The following HS2ST1 variants were observed in gnomAD, a reference collection of about 807,000 sequenced individuals.
HS2ST1 encodes heparan sulfate 2-O-sulfotransferase 1.
Under a neutral mutation model 42.9 loss-of-function variants are expected in HS2ST1, and 18 were observed. The observed-to-expected ratio is 0.42, with a 90% CI of 0.29 to 0.62. The LOEUF is 0.62. Among genes scored for constraint, HS2ST1 ranks in the 20% least tolerant of loss-of-function variants. HS2ST1 has a pLI of 0.21. For missense variants in HS2ST1, 334 were observed against 433.8 expected, an observed-to-expected ratio of 0.77 and a Z score of 2.04; for synonymous variants, 146 against 152.9, an observed-to-expected ratio of 0.95 and a Z score of 0.33.
At chr1:87,084,921 A>G (rs2100644757) in intron 3 of HS2ST1, among the ~76,000 whole-genome samples, 1 of 152,138 alleles carries the variant, frequency 6.6e-6, no homozygotes, top group Non-Finnish European at 1.5e-5. Context: ...CTGGGATTAT[A>G]GGCATGAGCC....
intron 1 of HS2ST1, among the ~76,000 whole-genome samples, chr1:86,953,320 A>T (rs1308052974): frequency 1.3e-5 from 2 of 152,200 alleles, no homozygotes; most frequent in Non-Finnish European, 2.9e-5. Context: ...GCGATAAGGC[A>T]GTTTCGTTTT....
Position 87,106,402 on chromosome 1 carries a change from T to G in HS2ST1, c.*1706T>G, listed in dbSNP as rs1048038116. 6 of 152,124 alleles carry G rather than the reference T, an allele frequency of 3.9e-5. No homozygotes were observed. The highest frequency in any genetic ancestry group is 1.2e-4 in the African/African-American group (5 of 41,440). 9.4% of individuals were successfully genotyped at this position (152,124 alleles called of 1,614,324 possible). On this transcript the variant is annotated 3_prime_UTR_variant, in exon 7 of 7. Coordinates refer to ENST00000370550, the MANE Select transcript of HS2ST1 (RefSeq NM_012262.4). The stretch of plus-strand genomic sequence containing the variant: ...TTCAAATTTGAAAGCTGTTTCTGTT[T>G]TCATTTTACATTATTATTCAGAAAT...
intron 5 of HS2ST1, 56 bp from the exon 6 acceptor site, chr1:87,103,376 C>T: frequency 6.7e-7 from 1 of 1,498,282 alleles, no homozygotes; most frequent in Non-Finnish European, 9.0e-7. Flanking sequence ...TCAAAGGCAC[C>T]AGAAACACTC....
intron 2 of HS2ST1, among the ~76,000 whole-genome samples, chr1:87,074,667 T>G (rs969326784): frequency 2.0e-5 from 3 of 152,082 alleles, no homozygotes; most frequent in African/African-American, 7.2e-5. Context: ...GTTTTTCTTT[T>G]AATAACTTGT....
chr1:87,056,259 C>T (rs1384908425), intron 1 of HS2ST1, among the ~76,000 whole-genome samples: 1 of 152,162 alleles, frequency 6.6e-6, no homozygotes, highest in Non-Finnish European at 1.5e-5. Flanking sequence ...ATGTCAGTTT[C>T]TCTTCTATTC....
intron 1 of HS2ST1, among the ~76,000 whole-genome samples, chr1:87,064,732 C>G (rs1651203651): frequency 6.6e-6 from 1 of 152,186 alleles, no homozygotes; most frequent in African/African-American, 2.4e-5. Context: ...GTGAACATGG[C>G]TCACTGCAGC....
chr1:87,057,001 T>C lies in HS2ST1; in HGVS notation c.125-15933T>C, dbSNP rs553229113. Among the ~76,000 whole-genome samples, 11 of 152,316 alleles carry C rather than the reference T, an allele frequency of 7.2e-5. No homozygotes were observed. The South Asian group carries it at 2.3e-3, about 32-fold the overall frequency. On this transcript the variant is annotated intron_variant, in intron 1 of 6. Coordinates refer to ENST00000370550, the MANE Select transcript of HS2ST1 (RefSeq NM_012262.4). ...TGTATCTATATGAGTCTGATTTTCT[T>C]CATTGACTCCAACCCAAATAATATA...
chr1:86,934,696 G>A (rs974464879), intron 1 of HS2ST1: 14 of 152,538 alleles, frequency 9.2e-5, no homozygotes, highest in African/African-American at 3.1e-4. Flanking sequence ...GGGAGGCCGA[G>A]GTGGGCGGAT....
At position 86,914,657 on chromosome 1, in the gene HS2ST1, G is replaced by C; in HGVS notation, c.-380G>C. ...GGCGCAGCCGCAGCGCCGGTGGAGG[G>C]GCGCGCGGCCGCGAGCAAAGGAGGG... On this transcript the variant is annotated 5_prime_UTR_variant, in exon 1 of 7. Coordinates refer to ENST00000370550, the MANE Select transcript of HS2ST1 (RefSeq NM_012262.4). 1 of 222,382 alleles carries C rather than the reference G, an allele frequency of 4.5e-6. No homozygotes were observed. The highest frequency in any genetic ancestry group is 9.0e-6 in the Non-Finnish European group (1 of 111,114). The allele number at this position is 222,382 out of a possible 1,614,324, so 13.8% of individuals were successfully genotyped here.
intron 1 of HS2ST1, among the ~76,000 whole-genome samples, chr1:86,962,450 T>C (rs935642819): frequency 1.3e-5 from 2 of 152,234 alleles, no homozygotes; most frequent in African/African-American, 4.8e-5. Flanking sequence ...CAAGGGTATA[T>C]ATGGAATTTT....
At chr1:87,017,537 A>G (rs1387992042) in intron 1 of HS2ST1, among the ~76,000 whole-genome samples, 5 of 152,194 alleles carry the variant, frequency 3.3e-5, no homozygotes, top group South Asian at 4.1e-4. Context: ...GAAATGTTCT[A>G]AGTATTAGCT....
intron 5 of HS2ST1, among the ~76,000 whole-genome samples, chr1:87,098,868 G>A (rs1054982790): frequency 1.3e-5 from 2 of 152,206 alleles, no homozygotes; most frequent in Middle Eastern, 3.4e-3. Context: ...TGCAACCTCC[G>A]CCTCCTGGGT....
intron 1 of HS2ST1, among the ~76,000 whole-genome samples, chr1:86,968,850 T>G (rs1347108784): frequency 6.6e-6 from 1 of 152,218 alleles, no homozygotes; most frequent in Non-Finnish European, 1.5e-5. Flanking sequence ...AATTTAACTC[T>G]GTTAAAAATG....
chr1:86,953,474 G>A (rs1177368610), intron 1 of HS2ST1, among the ~76,000 whole-genome samples: 1 of 152,126 alleles, frequency 6.6e-6, no homozygotes, highest in Non-Finnish European at 1.5e-5. Context: ...TAAAGTGAGT[G>A]ATGAGGGAGT....
intron 1 of HS2ST1, among the ~76,000 whole-genome samples, chr1:86,978,694 A>G (rs918522877): frequency 6.6e-6 from 1 of 152,164 alleles, no homozygotes; most frequent in African/African-American, 2.4e-5. Context: ...TTCCAACTGA[A>G]TAATTACATA....
chr1:87,074,291 A>C (rs1289871169), intron 2 of HS2ST1, among the ~76,000 whole-genome samples: 1 of 152,190 alleles, frequency 6.6e-6, no homozygotes, highest in East Asian at 1.9e-4. Flanking sequence ...GTGTCATAAA[A>C]ACTATTCATT....
intron 1 of HS2ST1, among the ~76,000 whole-genome samples, chr1:86,954,040 TAAAAAAAAAAAAAAAAAAAA>T (rs367757359): frequency 1.5e-5 from 1 of 67,336 alleles, no homozygotes; most frequent in Non-Finnish European, 2.9e-5. Context: ...CTGTTTTTTT[TAAAAAAAAAAAAAAAAAAAA>T]AAAAAAAAAG....
At chr1:87,068,092 A>G (rs983476611) in intron 1 of HS2ST1, among the ~76,000 whole-genome samples, 1 of 152,104 alleles carries the variant, frequency 6.6e-6, no homozygotes, top group Admixed American at 6.6e-5. Context: ...GTTTTTTCCA[A>G]TTCTGTGAAG....
At chr1:87,049,289 A>T (rs570162120) in intron 1 of HS2ST1, among the ~76,000 whole-genome samples, 64 of 148,360 alleles carry the variant, frequency 4.3e-4, no homozygotes, top group African/African-American at 1.4e-3. Context: ...TTTTTTTCTT[A>T]TTAGTCTGGC....
Sources: gnomAD v4.1 joint callset for allele counts (sites outside exome capture counted in the v4.1 genomes callset) on GRCh38, gnomAD v4.1.1 for gene constraint, MANE v1.5 for transcripts, NCBI Gene and HGNC (gene_info 2026-07-23, HGNC 2026-07-21) for gene names.